The following RASAL2 variants were observed in gnomAD, a reference collection of about 807,000 sequenced individuals.
RASAL2 encodes the protein RAS protein activator like 2, also known as ras GTPase-activating protein nGAP.
A neutral mutation model predicts 128.9 loss-of-function variants in RASAL2; 58 were observed. The observed-to-expected ratio is 0.45, with a 90% CI of 0.36 to 0.56. The LOEUF is 0.56. RASAL2 is among the 20% of genes least tolerant of loss of function. RASAL2 has a pLI of 0.00. For missense variants in RASAL2, 1,360 were observed against 1,601.6 expected, an observed-to-expected ratio of 0.85 and a Z score of 2.57; for synonymous variants, 561 against 580.8, an observed-to-expected ratio of 0.97 and a Z score of 0.49.
intron 9 of RASAL2, among the ~76,000 whole-genome samples, chr1:178,448,439 A>C (rs1201053519): frequency 6.6e-6 from 1 of 152,234 alleles, no homozygotes; most frequent in East Asian, 1.9e-4. Context: ...GACACATTAT[A>C]GTAGCTACTA....
intron 12 of RASAL2, 96 bp downstream of exon 12, chr1:178,454,744 A>G: frequency 1.9e-6 from 2 of 1,063,622 alleles, no homozygotes; most frequent in African/African-American, 3.1e-5. Flanking sequence ...GCTAATTGAA[A>G]GCAACTGTTT....
intron 1 of RASAL2, among the ~76,000 whole-genome samples, chr1:178,159,774 A>G (rs916256041): frequency 1.3e-5 from 2 of 151,826 alleles, no homozygotes; most frequent in African/African-American, 4.8e-5. Flanking sequence ...ACTAAAAATA[A>G]AAAAGTTGAT....
At chr1:178,274,524 A>G (rs568005763) in intron 1 of RASAL2, among the ~76,000 whole-genome samples, 5 of 152,286 alleles carry the variant, frequency 3.3e-5, no homozygotes, top group Admixed American at 1.3e-4. Context: ...TTGAGTTTTT[A>G]TCGCTTAGTA....
At chr1:178,422,932 C>T (rs1335560311) in intron 5 of RASAL2, among the ~76,000 whole-genome samples, 2 of 151,922 alleles carry the variant, frequency 1.3e-5, no homozygotes, top group Non-Finnish European at 2.9e-5. Context: ...AACTAAAGAC[C>T]CTCTTTATCT....
intron 1 of RASAL2, among the ~76,000 whole-genome samples, chr1:178,216,658 A>G (rs1298658201): frequency 6.6e-6 from 1 of 152,180 alleles, no homozygotes; most frequent in Non-Finnish European, 1.5e-5. Context: ...TTGTGTGTTT[A>G]AGACGGAGTT....
intron 1 of RASAL2, among the ~76,000 whole-genome samples, chr1:178,261,343 G>A (rs773985816): frequency 3.3e-5 from 5 of 152,116 alleles, no homozygotes; most frequent in African/African-American, 7.2e-5. Context: ...AGCTACAGAC[G>A]TTTATAACAA....
In RASAL2 at chr1:178,094,457, A is replaced by AGCC. The variant is rs1306789529; in HGVS notation, c.-29_-27dup. ...GGAGCCGCGCGCCAGCCCGCCCCGAAGCCGCCGCCTCGTCCCCCTCCCGCC... is the reference window on the plus strand; with the variant it reads ...GGAGCCGCGCGCCAGCCCGCCCCGAAGCCGCCGCCGCCTCGTCCCCCTCCCGCC... On this transcript the variant is annotated 5_prime_UTR_variant, in exon 1 of 18. Coordinates refer to ENST00000367649, the MANE Select transcript of RASAL2 (RefSeq NM_170692.4). The AGCC allele has an allele frequency of 2.7e-5, 40 of 1,509,154 alleles. No homozygotes were observed. Among genetic ancestry groups the AGCC allele is most frequent in the Non-Finnish European group, 3.3e-5 (37 of 1,130,328 alleles). The allele number at this position is 1,509,154 out of a possible 1,614,324, so 93.5% of individuals were successfully genotyped here.
intron 1 of RASAL2, among the ~76,000 whole-genome samples, chr1:178,240,424 C>T (rs1333107624): frequency 6.6e-6 from 1 of 151,918 alleles, no homozygotes; most frequent in African/African-American, 2.4e-5. Context: ...CAATAAAGAA[C>T]ATTCATTTAA....
chr1:178,119,918 A>G (rs1170293001), intron 1 of RASAL2, among the ~76,000 whole-genome samples: 1 of 152,236 alleles, frequency 6.6e-6, no homozygotes, highest in Non-Finnish European at 1.5e-5. Flanking sequence ...TTGAAAGTTC[A>G]TGACAGTTGT....
intron 5 of RASAL2, among the ~76,000 whole-genome samples, chr1:178,425,957 T>C (rs1057040834): frequency 6.6e-6 from 1 of 152,110 alleles, no homozygotes; most frequent in Non-Finnish European, 1.5e-5. Flanking sequence ...GCATAGGAAG[T>C]TGATTTACCC....
At chr1:178,412,937 GC>G (rs1374673127) in intron 4 of RASAL2, among the ~76,000 whole-genome samples, 4 of 152,060 alleles carry the variant, frequency 2.6e-5, no homozygotes, top group Non-Finnish European at 5.9e-5. Context: ...ATTTTGAAAT[GC>G]ATCAGAGCTT....
chr1:178,264,961 A>C (rs1227855778), intron 1 of RASAL2, among the ~76,000 whole-genome samples: 1 of 152,156 alleles, frequency 6.6e-6, no homozygotes, highest in Non-Finnish European at 1.5e-5. Context: ...ACTTAAGTAA[A>C]TTTGAAAGGG....
chr1:178,279,905 A>G (rs1470110136), intron 1 of RASAL2, among the ~76,000 whole-genome samples: 1 of 152,158 alleles, frequency 6.6e-6, no homozygotes, highest in Non-Finnish European at 1.5e-5. Flanking sequence ...ATATTATATA[A>G]TGAAAGGTGT....
rs1355820789 is a variant in RASAL2 at position 178,452,571 on chromosome 1, T to C, written c.1928T>C (p.Met643Thr). ...ATGTCTCCCAGTCTTTTCAACCTTA[T>C]GCAGGAGTATCCTGATGACCGCACA... The part of the protein sequence containing the change: ...AIMSPSLFNL[M>T]QEYPDDRTSR... Residue 643 changes from methionine to threonine, a missense_variant, in exon 11 of 18, where the codon ATG becomes ACG. Around this residue, in one of 3 missense-constraint regions of RASAL2, gnomAD observed 741 missense variants for 868.6 expected, o/e 0.85. Coordinates refer to ENST00000367649, the MANE Select transcript of RASAL2 (RefSeq NM_170692.4). 6.2e-7 allele frequency: 1 copy of C among 1,614,118 alleles called. No individual in the cohort carries two copies. Among genetic ancestry groups the C allele is most frequent in the Non-Finnish European group, 8.5e-7 (1 of 1,179,976 alleles).
chr1:178,453,294 A>G (rs1467469217), intron 11 of RASAL2, among the ~76,000 whole-genome samples: 2 of 152,046 alleles, frequency 1.3e-5, no homozygotes, highest in Non-Finnish European at 2.9e-5. Context: ...TTTTAGTGTG[A>G]TAATAGCATT....
chr1:178,411,849 CTG>C, intron 4 of RASAL2: 1 of 751,052 alleles, frequency 1.3e-6, no homozygotes, highest in South Asian at 1.4e-5. Flanking sequence ...ACGTCAAACT[CTG>C]GGCCACAGGA....
chr1:178,173,369 T>A (rs1290278260), intron 1 of RASAL2, among the ~76,000 whole-genome samples: 1 of 152,094 alleles, frequency 6.6e-6, no homozygotes, highest in Non-Finnish European at 1.5e-5. Context: ...TGTCATAGAA[T>A]GCACAGAATA....
At chr1:178,202,889 T>G (rs1267321171) in intron 1 of RASAL2, among the ~76,000 whole-genome samples, 2 of 151,982 alleles carry the variant, frequency 1.3e-5, no homozygotes, top group Admixed American at 6.5e-5. Flanking sequence ...GTGGCAGGGG[T>G]GGAGGTTATG....
intron 1 of RASAL2, among the ~76,000 whole-genome samples, chr1:178,137,384 A>C (rs1009256222): frequency 6.6e-6 from 1 of 152,084 alleles, no homozygotes; most frequent in African/African-American, 2.4e-5. Flanking sequence ...CTTTCTCCCA[A>C]TTACTGCATT....
Sources: allele counts gnomAD v4.1 joint callset (sites outside exome capture counted in the v4.1 genomes callset), GRCh38; gene constraint gnomAD v4.1.1; regional missense constraint gnomAD v4.1.1; transcripts MANE v1.5; gene names NCBI Gene and HGNC (gene_info 2026-07-23, HGNC 2026-07-21).